Variants in PEX5L observed in about 807,000 individuals in gnomAD.
PEX5L encodes peroxisomal biogenesis factor 5 like.
A neutral mutation model predicts 84.0 loss-of-function variants in PEX5L; 30 were observed. The ratio of observed to expected loss-of-function variants is 0.36; its 90% confidence interval spans 0.27 to 0.48. PEX5L has a LOEUF of 0.48. Among genes scored for constraint, PEX5L ranks in the 20% least tolerant of loss-of-function variants. The probability of loss-of-function intolerance (pLI) is 0.99; values close to 1 mark genes in which losing one functional copy is unlikely to be tolerated. For synonymous variants in PEX5L, 270 were observed against 283.1 expected (o/e 0.95, Z 0.46); for missense variants, 533 against 754.6 (o/e 0.71, Z 3.44).
At chr3:179,996,868 G>C (rs1008850246) in intron 1 of PEX5L, among the ~76,000 whole-genome samples, 1 of 152,224 alleles carries the variant, frequency 6.6e-6, no homozygotes. Context: ...GACTCATGTA[G>C]AGCTCTGTCA....
rs568208325 is a variant in PEX5L, at chr3:179,979,676, C to G, written c.22-8011G>C. Among the ~76,000 whole-genome samples the G allele has an allele frequency of 6.6e-5, 10 of 152,308 alleles. 1 individual carries two copies. Among genetic ancestry groups the G allele is most frequent in the African/African-American group, 2.4e-4 (10 of 41,570 alleles). On this transcript the variant is annotated intron_variant, in intron 1 of 14. Coordinates refer to ENST00000467460, the MANE Select transcript of PEX5L (RefSeq NM_016559.3). ...CTACAATAATCTCTCCCATCCCCAA[C>G]AGGAAAAAGGTAAATTGTGTATTCT...
intron 2 of PEX5L, among the ~76,000 whole-genome samples, chr3:179,945,509 C>T (rs1291215586): frequency 6.6e-6 from 1 of 152,172 alleles, no homozygotes; most frequent in East Asian, 1.9e-4. Flanking sequence ...GTGATAAGGG[C>T]TACAGACATA....
At chr3:179,907,467 C>T (rs948296567) in intron 2 of PEX5L, among the ~76,000 whole-genome samples, 3 of 152,004 alleles carry the variant, frequency 2.0e-5, no homozygotes, top group Non-Finnish European at 1.5e-5. Flanking sequence ...TGTGCACCAC[C>T]GTGTTTGGCT....
At chr3:179,858,372 G>C (rs1482970731) in intron 8 of PEX5L, among the ~76,000 whole-genome samples, 1 of 152,070 alleles carries the variant, frequency 6.6e-6, no homozygotes. Flanking sequence ...TAAAAAAACA[G>C]CAAAAGTTGC....
At position 179,809,494 on chromosome 3, in the gene PEX5L, C is replaced by G; in HGVS notation, c.1329G>C (p.Arg443=). 1 of 1,613,992 alleles carries G rather than the reference C, an allele frequency of 6.2e-7. No individual in the cohort carries two copies. Among genetic ancestry groups the G allele is most frequent in the East Asian group, 2.2e-5 (1 of 44,876 alleles). ...SKKGSPGLTR[R]MSKSPVDSSV... ...ACCTATCAACTGGGGACTTAGACAT[C>G]CGCCGGGTGAGGCCTGGAGATCCCT... Residue 443 remains arginine (R), a synonymous_variant, in exon 12 of 15, where the codon CGG becomes CGC. Transcript: ENST00000467460.
intron 5 of PEX5L, 88 bp from the exon 6 acceptor site, chr3:179,875,565 G>C: frequency 1.1e-6 from 1 of 899,464 alleles, no homozygotes; most frequent in South Asian, 1.5e-5. Context: ...AGGGTGGAGC[G>C]TGTGGTGCAG....
intron 8 of PEX5L, 101 bp downstream of exon 8, chr3:179,858,961 T>C (rs1450422856): frequency 6.9e-6 from 5 of 722,296 alleles, no homozygotes; most frequent in Admixed American, 4.3e-5. Context: ...TTCATGTCTA[T>C]AATGTAAGAC....
chr3:180,006,603 G>C (rs1182027921), intron 1 of PEX5L, among the ~76,000 whole-genome samples: 1 of 152,126 alleles, frequency 6.6e-6, no homozygotes, highest in East Asian at 1.9e-4. Context: ...CTGGGCAGTG[G>C]CATACCCAAG....
intron 13 of PEX5L, 148 bp from the exon 14 acceptor site, chr3:179,807,979 T>A: frequency 1.4e-6 from 1 of 713,932 alleles, no homozygotes; most frequent in Non-Finnish European, 2.2e-6. Flanking sequence ...TACTAAAAAA[T>A]CTTCACGGAC....
chr3:179,919,121 A>C (rs1768335347), intron 2 of PEX5L, among the ~76,000 whole-genome samples: 1 of 152,162 alleles, frequency 6.6e-6, no homozygotes, highest in African/African-American at 2.4e-5. Context: ...GTTATCAGTA[A>C]AGTGGAAAAG....
At chr3:179,884,080 T>C (rs986816069) in intron 4 of PEX5L, among the ~76,000 whole-genome samples, 5 of 152,214 alleles carry the variant, frequency 3.3e-5, no homozygotes, top group African/African-American at 1.2e-4. Context: ...GTGAAAAAGG[T>C]ATTCTAATTT....
chr3:179,982,889 G>T (rs1190086006), intron 1 of PEX5L, among the ~76,000 whole-genome samples: 1 of 151,820 alleles, frequency 6.6e-6, no homozygotes, highest in Non-Finnish European at 1.5e-5. Flanking sequence ...ATAGAGAAAA[G>T]CCTTTTTAAA....
At chr3:179,849,150 A>T (rs1740778816) in intron 8 of PEX5L, among the ~76,000 whole-genome samples, 1 of 152,164 alleles carries the variant, frequency 6.6e-6, no homozygotes, top group South Asian at 2.1e-4. Flanking sequence ...TAATAAATGG[A>T]CCTCAAGAAT....
At chr3:179,866,747 G>A (rs1404330901) in intron 7 of PEX5L, among the ~76,000 whole-genome samples, 3 of 151,856 alleles carry the variant, frequency 2.0e-5, no homozygotes, top group Non-Finnish European at 2.9e-5. Context: ...ACACACGGCC[G>A]GGCACGGTGG....
intron 1 of PEX5L, among the ~76,000 whole-genome samples, chr3:179,977,801 G>A (rs1785949983): frequency 6.6e-6 from 1 of 152,124 alleles, no homozygotes; most frequent in South Asian, 2.1e-4. Flanking sequence ...TTACAGAGGG[G>A]CTGGTTAAGT....
chr3:179,961,984 G>A (rs1225127687), intron 2 of PEX5L, among the ~76,000 whole-genome samples: 2 of 51,858 alleles, frequency 3.9e-5, no homozygotes, highest in African/African-American at 5.1e-5. Flanking sequence ...TGTCAACAGG[G>A]AGGAAACACT....
intron 1 of PEX5L, among the ~76,000 whole-genome samples, chr3:179,985,002 CT>C (rs556190899): frequency 1.3e-5 from 2 of 152,218 alleles, no homozygotes; most frequent in African/African-American, 4.8e-5. Context: ...TTCCCGTGCT[CT>C]TTTTTTACCT....
intron 1 of PEX5L, among the ~76,000 whole-genome samples, chr3:179,997,160 A>C (rs1787959981): frequency 6.6e-6 from 1 of 152,146 alleles, no homozygotes; most frequent in Admixed American, 6.5e-5. Context: ...TTCCCCAAGG[A>C]GACCTCCAGC....
chr3:179,863,691 A>G (rs929122792), intron 7 of PEX5L, among the ~76,000 whole-genome samples: 1 of 152,142 alleles, frequency 6.6e-6, no homozygotes, highest in Non-Finnish European at 1.5e-5. Flanking sequence ...AGTGTTGGAG[A>G]GGATGTGGAG....
Sources: allele counts gnomAD v4.1 joint callset (sites outside exome capture counted in the v4.1 genomes callset), GRCh38; gene constraint gnomAD v4.1.1; transcripts MANE v1.5; gene names NCBI Gene and HGNC (gene_info 2026-07-23, HGNC 2026-07-21).